KIFC3: variants seen among roughly 807,000 people sequenced by gnomAD.
KIFC3 encodes kinesin family member C3, also known as kinesin-like protein KIFC3.
In KIFC3, 60 loss-of-function variants were observed where a neutral mutation model predicts 101.8. The ratio of observed to expected loss-of-function variants is 0.59; its 90% CI spans 0.48 to 0.73. The LOEUF (loss-of-function observed/expected upper bound fraction) is 0.73, where lower values mean the gene tolerates loss of function less well. KIFC3 is among the 30% of genes least tolerant of loss of function. The pLI is 0.00. For synonymous variants in KIFC3, 476 were observed against 482.7 expected, an observed-to-expected ratio of 0.99 and a Z score of 0.18; for missense variants, 966 against 1,137.1, an observed-to-expected ratio of 0.85 and a Z score of 2.16.
At chr16:57,783,112 CT>C (rs1555615711) in intron 3 of KIFC3, among the ~76,000 whole-genome samples, 1 of 152,202 alleles carries the variant, frequency 6.6e-6, no homozygotes. Flanking sequence ...ATGTTTCCTC[CT>C]CACTTTCCCT....
intron 1 of KIFC3, among the ~76,000 whole-genome samples, chr16:57,839,571 A>G (rs2055761976): frequency 6.6e-6 from 1 of 152,166 alleles, no homozygotes; most frequent in African/African-American, 2.4e-5. Context: ...AAGATTATTT[A>G]TAAATGTCTC....
At chr16:57,840,239 G>C (rs2149310329) in intron 1 of KIFC3, among the ~76,000 whole-genome samples, 1 of 152,242 alleles carries the variant, frequency 6.6e-6, no homozygotes, top group East Asian at 1.9e-4. Flanking sequence ...TCAGGAGGCT[G>C]AGGCAGAAAT....
chr16:57,854,582 C>G lies in KIFC3; in HGVS notation c.108+8147G>C, dbSNP rs562406704. ...GGTGGAGGTTGCAGTGAGTTGAGAT[C>G]GCGCCACTCCACTCCAGCCTGGGTG... On this transcript the variant is annotated intron_variant, in intron 1 of 2. Coordinates refer to the KIFC3 transcript ENST00000563028. Among the ~76,000 whole-genome samples, 7 of 150,234 alleles carry G rather than the reference C, an allele frequency of 4.7e-5. 1 individual carries two copies. In the South Asian group the frequency reaches 1.5e-3, roughly 32 times the overall value.
intron 3 of KIFC3, among the ~76,000 whole-genome samples, chr16:57,780,233 G>A (rs185752867): frequency 5.3e-5 from 8 of 152,266 alleles, no homozygotes; most frequent in East Asian, 3.9e-4. Flanking sequence ...CAGATCAGCC[G>A]GGCGCGGTGG....
intron 3 of KIFC3, chr16:57,775,274 G>T (rs1176861141): frequency 7.3e-5 from 93 of 1,277,834 alleles, no homozygotes; most frequent in Non-Finnish European, 8.4e-5. Context: ...CCTTTGTTCA[G>T]AGGTGTCAGA....
chr16:57,829,181 C>A (rs1260137778), intron 1 of KIFC3, among the ~76,000 whole-genome samples: 2 of 152,142 alleles, frequency 1.3e-5, no homozygotes, highest in East Asian at 3.8e-4. Flanking sequence ...ACATATTCAC[C>A]TTTATACCAA....
intron 1 of KIFC3, among the ~76,000 whole-genome samples, chr16:57,853,793 G>A (rs983723174): frequency 2.0e-5 from 3 of 151,934 alleles, no homozygotes; most frequent in African/African-American, 7.2e-5. Flanking sequence ...CACCATACCC[G>A]GATAATTTTT....
intron 1 of KIFC3, among the ~76,000 whole-genome samples, chr16:57,824,254 C>A (rs2055414644): frequency 1.3e-5 from 2 of 152,322 alleles, no homozygotes; most frequent in Non-Finnish European, 2.9e-5. Context: ...CTTGGGGGAG[C>A]CACTGAGTCT....
chr16:57,856,189 G>GGAA (rs1432296453), intron 1 of KIFC3, among the ~76,000 whole-genome samples: 1 of 101,160 alleles, frequency 9.9e-6, no homozygotes, highest in Non-Finnish European at 2.1e-5. Context: ...TAAAAAAAAA[G>GGAA]AAAAAAAAAG....
intron 2 of KIFC3, chr16:57,797,660 T>C (rs991945846): frequency 3.6e-5 from 40 of 1,104,808 alleles, no homozygotes; most frequent in Middle Eastern, 4.2e-4. Flanking sequence ...CCAGGCAGGA[T>C]CAAGTGTCAG....
At chr16:57,798,827 G>T (rs1423016693) in intron 1 of KIFC3, among the ~76,000 whole-genome samples, 1 of 152,210 alleles carries the variant, frequency 6.6e-6, no homozygotes, top group African/African-American at 2.4e-5. Flanking sequence ...TCTATATACA[G>T]TAAGTTCTCA....
intron 3 of KIFC3, among the ~76,000 whole-genome samples, chr16:57,784,352 G>C (rs2053095808): frequency 6.6e-6 from 1 of 152,200 alleles, no homozygotes; most frequent in Non-Finnish European, 1.5e-5. Context: ...CAAAGCATGA[G>C]GGGTGCCCCA....
chr16:57,801,577 C>T (rs942056097), intron 1 of KIFC3, among the ~76,000 whole-genome samples: 2 of 152,218 alleles, frequency 1.3e-5, no homozygotes, highest in Non-Finnish European at 2.9e-5. Flanking sequence ...AATGGGTGCT[C>T]ACCCTGTTCA....
chr16:57,789,323 G>A (rs368050547), intron 3 of KIFC3, among the ~76,000 whole-genome samples: 14 of 152,374 alleles, frequency 9.2e-5, no homozygotes, highest in African/African-American at 2.6e-4. Context: ...CAAAGGACTC[G>A]AGACAAAGAG....
At chr16:57,762,095 C>T (rs368375493) in intron 13 of KIFC3, 45 bp downstream of exon 13, 14 of 1,537,214 alleles carry the variant, frequency 9.1e-6, no homozygotes, top group Non-Finnish European at 1.1e-5. Context: ...CGGAGGACCC[C>T]AAAGCTGCCC....
intron 3 of KIFC3, among the ~76,000 whole-genome samples, chr16:57,789,051 C>G (rs1388099654): frequency 6.6e-6 from 1 of 152,244 alleles, no homozygotes; most frequent in African/African-American, 2.4e-5. Context: ...TGGCTTGCTT[C>G]CGGTGCGCAC....
Position 57,825,717 on chromosome 16 carries a change from G to A in KIFC3, c.109-27435C>T, listed in dbSNP as rs1413101432. Among the ~76,000 whole-genome samples the A allele has an allele frequency of 5.3e-5, 8 of 151,876 alleles. No homozygotes were observed. In the East Asian group the frequency reaches 9.7e-4, roughly 18 times the overall value. On this transcript the variant is annotated intron_variant, in intron 1 of 2. Transcript: ENST00000563028. ...TTTTGAGGCAAGGTCTCACTCTGTC[G>A]CCCAGGCTGGAGTGCAGTGACATGA...
intron 1 of KIFC3, among the ~76,000 whole-genome samples, chr16:57,836,115 TTC>T (rs1312819563): frequency 6.6e-6 from 1 of 151,988 alleles, no homozygotes; most frequent in Non-Finnish European, 1.5e-5. Flanking sequence ...CGCAGGAATT[TTC>T]TCTGTTTTGC....
chr16:57,825,411 T>C (rs2055438253), intron 1 of KIFC3, among the ~76,000 whole-genome samples: 1 of 152,224 alleles, frequency 6.6e-6, no homozygotes, highest in South Asian at 2.1e-4. Flanking sequence ...CGTGTGATTA[T>C]AACAAGGATA....
Sources: gnomAD v4.1 joint callset for allele counts (sites outside exome capture counted in the v4.1 genomes callset) on GRCh38, gnomAD v4.1.1 for gene constraint, MANE v1.5 for transcripts, NCBI Gene and HGNC (gene_info 2026-07-23, HGNC 2026-07-21) for gene names.